Variants in ARID1B observed in about 807,000 individuals in gnomAD.
The protein encoded by ARID1B is AT-rich interactive domain-containing protein 1B.
ARID1B carries 30 observed loss-of-function variants against 212.3 expected under a neutral mutation model. The observed-to-expected ratio is 0.14, with a 90% CI of 0.11 to 0.19. ARID1B has a LOEUF of 0.19. Among genes scored for constraint, ARID1B ranks in the 10% least tolerant of loss-of-function variants. ARID1B has a pLI of 1.00. For synonymous variants in ARID1B, 1,402 were observed against 1,301.7 expected, an observed-to-expected ratio of 1.08 and a Z score of -1.66; for missense variants, 2,891 against 3,204.0, an observed-to-expected ratio of 0.90 and a Z score of 2.36.
intron 9 of ARID1B, among the ~76,000 whole-genome samples, chr6:157,172,522 C>A (rs1330480297): frequency 6.6e-6 from 1 of 152,110 alleles, no homozygotes; most frequent in African/African-American, 2.4e-5. Context: ...CCAATGCGCC[C>A]GTGGAAAAGA....
chr6:157,181,726 C>G (rs1272042642), intron 12 of ARID1B, among the ~76,000 whole-genome samples: 1 of 152,148 alleles, frequency 6.6e-6, no homozygotes, highest in Non-Finnish European at 1.5e-5. Flanking sequence ...ATTTAAGGAG[C>G]TATCCACTGT....
intron 3 of ARID1B, among the ~76,000 whole-genome samples, chr6:156,912,106 T>C (rs1335485138): frequency 1.3e-5 from 2 of 152,218 alleles, no homozygotes; most frequent in Non-Finnish European, 2.9e-5. Flanking sequence ...TCTTAAATGT[T>C]GTGTAAAGGA....
At chr6:156,864,289 G>A (rs770131187) in intron 2 of ARID1B, among the ~76,000 whole-genome samples, 5 of 152,176 alleles carry the variant, frequency 3.3e-5, no homozygotes, top group African/African-American at 9.7e-5. Context: ...GATAAGGAGA[G>A]GATGCTCTCT....
At chr6:157,127,470 T>C (rs190894195) in intron 6 of ARID1B, among the ~76,000 whole-genome samples, 16 of 151,572 alleles carry the variant, frequency 1.1e-4, no homozygotes, top group Non-Finnish European at 2.4e-4. Flanking sequence ...GCCTGGCCAA[T>C]ATGGTGAAAT....
chr6:156,888,632 C>G (rs773374757), intron 2 of ARID1B, among the ~76,000 whole-genome samples: 2 of 136,906 alleles, frequency 1.5e-5, no homozygotes, highest in Non-Finnish European at 3.2e-5. Flanking sequence ...TAAATGATAC[C>G]ACGAGTGTGC....
chr6:157,047,580 A>G (rs568634497), intron 4 of ARID1B, among the ~76,000 whole-genome samples: 186 of 152,294 alleles, frequency 1.2e-3, no homozygotes, highest in African/African-American at 4.1e-3. Context: ...ACCATAATTT[A>G]GTGTAGTTCA....
At chr6:156,900,128 T>A (rs1788798992) in intron 2 of ARID1B, among the ~76,000 whole-genome samples, 1 of 152,236 alleles carries the variant, frequency 6.6e-6, no homozygotes, top group South Asian at 2.1e-4. Context: ...TTAAATGGCT[T>A]GCAATGCAGA....
Position 157,120,130 on chromosome 6 carries a change from G to A in ARID1B, c.2581+9569G>A, listed in dbSNP as rs140014547. Among the ~76,000 whole-genome samples the A allele has an allele frequency of 1.8e-3, 271 of 152,302 alleles. 1 individual carries two copies. Among genetic ancestry groups the A allele is most frequent in the African/African-American group, 6.1e-3 (253 of 41,568 alleles). Reference sequence around the variant, plus strand: ...TTTATTTGCTTCTCCAGGGCATAGCGACGTACGTACTTTGTCTTTTTCCTC... The same window carrying A: ...TTTATTTGCTTCTCCAGGGCATAGCAACGTACGTACTTTGTCTTTTTCCTC... On this transcript the variant is annotated intron_variant, in intron 6 of 19. Coordinates refer to ENST00000636930, the MANE Select transcript of ARID1B (RefSeq NM_001374828.1).
Position 157,073,873 on chromosome 6 carries a change from C to T in ARID1B, c.2248-10789C>T, listed in dbSNP as rs147800204. ...CTTAGTGCTGCTTTATCTACAGCAA[C>T]TCAGTTAACTCTCTCAACACTGTGA... is the stretch of plus-strand genomic sequence containing the variant. On this transcript the variant is annotated intron_variant, in intron 4 of 19. Transcript: ENST00000636930. 4.2e-3 allele frequency among the ~76,000 whole-genome samples: 641 copies of T among 152,310 alleles called. 3 individuals carry two copies. Among genetic ancestry groups the T allele is most frequent in the African/African-American group, 0.015 (608 of 41,560 alleles).
intron 4 of ARID1B, among the ~76,000 whole-genome samples, chr6:157,027,933 T>A (rs532616104): frequency 6.6e-6 from 1 of 152,356 alleles, no homozygotes; most frequent in South Asian, 2.1e-4. Context: ...TATCCAGGTA[T>A]TTTTTAAATG....
Position 157,148,823 on chromosome 6 carries a change from C to T in ARID1B, c.2961C>T (p.Thr987=), listed in dbSNP as rs764978487. Residue 987 remains threonine, a synonymous_variant, in exon 8 of 20, where the codon ACC becomes ACT. Coordinates refer to ENST00000636930, the MANE Select transcript of ARID1B (RefSeq NM_001374828.1). The surrounding 1 kb of genome is among the most constrained non-coding windows in gnomAD (Gnocchi z 5.6). The part of the protein sequence containing the change: ...RPFPGNMSSM[T]PSSPGMSQQG... ...TTCCTGGAAATATGAGCAGCATGAC[C>T]CCCAGTTCTCCTGGCATGTCTCAGC... 6.8e-6 allele frequency: 11 copies of T among 1,613,026 alleles called. No homozygotes were observed. Among genetic ancestry groups the T allele is most frequent in the Non-Finnish European group, 8.5e-6 (10 of 1,179,912 alleles).
intron 2 of ARID1B, among the ~76,000 whole-genome samples, chr6:156,887,573 G>A (rs1787610209): frequency 6.6e-6 from 1 of 151,992 alleles, no homozygotes; most frequent in South Asian, 2.1e-4. Flanking sequence ...TTTCATTTTT[G>A]ATGGGCTTGG....
intron 4 of ARID1B, among the ~76,000 whole-genome samples, chr6:157,080,091 A>G (rs945588963): frequency 2.0e-5 from 3 of 152,090 alleles, no homozygotes; most frequent in African/African-American, 7.2e-5. Flanking sequence ...TATCTTCTCT[A>G]TTTCTGATTC....
intron 2 of ARID1B, among the ~76,000 whole-genome samples, chr6:156,863,329 T>C (rs1379184548): frequency 6.6e-6 from 1 of 151,964 alleles, no homozygotes; most frequent in African/African-American, 2.4e-5. Flanking sequence ...GACAGGGAAG[T>C]TGATTGCATT....
At chr6:156,897,221 T>TGCTGCTGCTG (rs1562468311) in intron 2 of ARID1B, among the ~76,000 whole-genome samples, 7 of 78,824 alleles carry the variant, frequency 8.9e-5, no homozygotes, top group East Asian at 3.1e-4. Flanking sequence ...TGCTGCTGCT[T>TGCTGCTGCTG]CTTCTTCTTC....
chr6:156,966,483 T>C (rs1475746506), intron 4 of ARID1B, among the ~76,000 whole-genome samples: 1 of 143,194 alleles, frequency 7.0e-6, no homozygotes. Context: ...AACCTCCGCC[T>C]CCCGGGTTCA....
intron 1 of ARID1B, among the ~76,000 whole-genome samples, chr6:156,794,573 T>C (rs1297306627): frequency 4.3e-5 from 2 of 46,956 alleles, no homozygotes; most frequent in Non-Finnish European, 8.9e-5. Context: ...GCACATTCTT[T>C]TTTTTTTTTT....
chr6:157,083,731 G>A (rs188587884), intron 4 of ARID1B, among the ~76,000 whole-genome samples: 126 of 152,280 alleles, frequency 8.3e-4, no homozygotes, highest in African/African-American at 2.7e-3. Flanking sequence ...TAAAAAGTAA[G>A]ATATAACATT....
chr6:156,820,879 G>A (rs1045725868), intron 1 of ARID1B, among the ~76,000 whole-genome samples: 1 of 152,206 alleles, frequency 6.6e-6, no homozygotes, highest in East Asian at 1.9e-4. Context: ...GGTTTCCTGG[G>A]AACCAGTGGA....
Sources: gnomAD v4.1 joint callset for allele counts (sites outside exome capture counted in the v4.1 genomes callset) on GRCh38, gnomAD v4.1.1 for gene constraint, Gnocchi (gnomAD v3.1) non-coding constraint, MANE v1.5 for transcripts, NCBI Gene and HGNC (gene_info 2026-07-23, HGNC 2026-07-21) for gene names.